Variants in PCDHGA4 observed in about 807,000 individuals in gnomAD.
The protein encoded by PCDHGA4 is protocadherin gamma-A4.
A neutral mutation model predicts 54.6 loss-of-function variants in PCDHGA4; 38 were observed. That is an observed-to-expected ratio of 0.70 (90% CI 0.54 to 0.91). The LOEUF is 0.91. Ranked by LOEUF, PCDHGA4 falls within the 40% of genes least tolerant of loss-of-function variation. PCDHGA4 has a pLI of 0.00. For synonymous variants in PCDHGA4, 511 were observed against 512.9 expected (o/e 1.00, Z 0.05); for missense variants, 1,298 against 1,220.9 (o/e 1.06, Z -0.94).
chr5:141,460,587 T>C (rs1461971599), intron 1 of PCDHGA4, among the ~76,000 whole-genome samples: 1 of 152,170 alleles, frequency 6.6e-6, no homozygotes, highest in Non-Finnish European at 1.5e-5. Flanking sequence ...TGTGGGTTTT[T>C]TCTGGGCTCT....
At chr5:141,417,890 G>GCCGGC (rs2096180101) in intron 1 of PCDHGA4, 1 of 1,568,496 alleles carries the variant, frequency 6.4e-7, no homozygotes, top group Non-Finnish European at 8.6e-7. Context: ...GAGGCGCCGG[G>GCCGGC]CCGGCCCGCG....
At position 141,420,340 on chromosome 5, in the gene PCDHGA4, G is replaced by A. The variant is rs1405507680; in HGVS notation, c.2514+62719G>A. ...ATATGCCAATATATTCCAATATAGT[G>A]GTATTATTTTAAGATTCTAGATAAC... On this transcript the variant is annotated intron_variant, in intron 1 of 3. Transcript: ENST00000571252. The A allele has an allele frequency of 2.9e-6, 4 of 1,387,388 alleles. No homozygotes were observed. In the African/African-American group the frequency reaches 4.4e-5, roughly 15 times the overall value. 85.9% of individuals were successfully genotyped at this position (1,387,388 alleles called of 1,614,324 possible). A position where few individuals can be genotyped will look rare whatever the true frequency, so the allele number is the denominator to read the frequency against.
chr5:141,399,198 G>T (rs1370289172), intron 1 of PCDHGA4: 1 of 1,613,816 alleles, frequency 6.2e-7, no homozygotes, highest in African/African-American at 1.3e-5. Context: ...AAAACGCGGT[G>T]CCTGGAACAC....
Position 141,435,556 on chromosome 5 carries a change from G to C in PCDHGA4, c.2515-59251G>C, listed in dbSNP as rs568743865. ...AGAATTAACAAAATGTGTTTTGAGT[G>C]CTTTTTTTAGTACTGGGGCAAATTT... is the stretch of plus-strand genomic sequence containing the variant. On this transcript the variant is annotated intron_variant, in intron 1 of 3. Transcript: ENST00000571252. Among the ~76,000 whole-genome samples, 7 of 152,242 alleles carry C rather than the reference G, an allele frequency of 4.6e-5. 1 individual carries two copies. Among genetic ancestry groups the C allele is most frequent in the African/African-American group, 1.4e-4 (6 of 41,544 alleles).
At position 141,487,510 on chromosome 5, in the gene PCDHGA4, C is replaced by A; in HGVS notation, c.2515-7297C>A. On this transcript the variant is annotated intron_variant, in intron 1 of 3. Transcript: ENST00000571252. The surrounding 1 kb of genome is among the most constrained non-coding windows in gnomAD (Gnocchi z 5.0). ...GCTGTACACCCTTGGCTTCTGCACC[C>A]ACTCGGAGTGATAGCTTCATGATGG... is the stretch of plus-strand genomic sequence containing the variant. The A allele has an allele frequency of 6.2e-7, 1 of 1,614,210 alleles. No homozygotes were observed. Among genetic ancestry groups the A allele is most frequent in the Non-Finnish European group, 8.5e-7 (1 of 1,180,042 alleles).
chr5:141,421,359 C>T, intron 1 of PCDHGA4: 1 of 1,614,012 alleles, frequency 6.2e-7, no homozygotes, highest in Non-Finnish European at 8.5e-7. Context: ...AAAAGGGCTC[C>T]TTCGTGGGCA....
intron 1 of PCDHGA4, chr5:141,423,769 CATAT>C (rs2096780943): frequency 8.2e-7 from 1 of 1,219,458 alleles, no homozygotes; most frequent in South Asian, 2.2e-5. Context: ...GGTGGGGCGG[CATAT>C]ATTTAGTTCA....
Position 141,477,782 on chromosome 5 carries a change from T to G in PCDHGA4, c.2515-17025T>G, listed in dbSNP as rs763675478. 1.2e-5 allele frequency: 20 copies of G among 1,613,902 alleles called. No individual in the cohort carries two copies. Among genetic ancestry groups the G allele is most frequent in the Non-Finnish European group, 1.7e-5 (20 of 1,180,042 alleles). ...AGCCACCAACATCAGCGTGAACATA[T>G]TTGTCACTGATCGCAATGACAATGC... On this transcript the variant is annotated intron_variant, in intron 1 of 3. Coordinates refer to ENST00000571252, the MANE Select transcript of PCDHGA4 (RefSeq NM_018917.4). The surrounding 1 kb of genome is among the most constrained non-coding windows in gnomAD (Gnocchi z 4.9).
At chr5:141,367,576 C>T (rs1435052087) in intron 1 of PCDHGA4, 1 of 138,304 alleles carries the variant, frequency 7.2e-6, no homozygotes, top group African/African-American at 2.7e-5. Context: ...AAATAAATAT[C>T]AGAAAAGTAG....
chr5:141,377,635 A>G (rs561038965), intron 1 of PCDHGA4: 1 of 151,932 alleles, frequency 6.6e-6, no homozygotes, highest in African/African-American at 2.4e-5. Flanking sequence ...GTTTTTTCTC[A>G]GTGTTACTTG....
At chr5:141,510,366 T>A (rs1452829030) in intron 3 of PCDHGA4, among the ~76,000 whole-genome samples, 1 of 140,062 alleles carries the variant, frequency 7.1e-6, no homozygotes, top group Non-Finnish European at 1.6e-5. Context: ...AACTACCGAA[T>A]CTCTACTCGT....
chr5:141,431,660 A>G lies in PCDHGA4; in HGVS notation c.2515-63147A>G. On this transcript the variant is annotated intron_variant, in intron 1 of 3. Transcript: ENST00000571252. This position sits in a 1 kb window ranked among gnomAD's most constrained non-coding sequence, Gnocchi z 4.8. ...CAAACTAGATTGTAATTCAGGGACA[A>G]TATCAACAATAGGGGAGTTGGACCA... 7 of 1,614,256 alleles carry G rather than the reference A, an allele frequency of 4.3e-6. No individual in the cohort carries two copies. The highest frequency in any genetic ancestry group is 5.1e-6 in the Non-Finnish European group (6 of 1,180,046).
intron 1 of PCDHGA4, among the ~76,000 whole-genome samples, chr5:141,380,802 T>C (rs1776746309): frequency 6.6e-6 from 1 of 152,118 alleles, no homozygotes; most frequent in African/African-American, 2.4e-5. Context: ...AAGAAACAAA[T>C]GTGAGATGAA....
chr5:141,431,673 G>A lies in PCDHGA4; in HGVS notation c.2515-63134G>A. On this transcript the variant is annotated intron_variant, in intron 1 of 3. Coordinates refer to ENST00000571252, the MANE Select transcript of PCDHGA4 (RefSeq NM_018917.4). The surrounding 1 kb of genome is among the most constrained non-coding windows in gnomAD (Gnocchi z 4.8). ...AATTCAGGGACAATATCAACAATAG[G>A]GGAGTTGGACCACGAGGAGTCAGGA... 1 of 1,614,214 alleles carries A rather than the reference G, an allele frequency of 6.2e-7. No homozygotes were observed. The highest frequency in any genetic ancestry group is 8.5e-7 in the Non-Finnish European group (1 of 1,180,044).
chr5:141,374,657 C>T, intron 1 of PCDHGA4: 1 of 1,612,018 alleles, frequency 6.2e-7, no homozygotes, highest in Non-Finnish European at 8.5e-7. Context: ...GCCCAAGTAC[C>T]CGGAGCTGGT....
chr5:141,485,358 G>T lies in PCDHGA4; in HGVS notation c.2515-9449G>T. 1.2e-6 allele frequency: 2 copies of T among 1,614,100 alleles called. No individual in the cohort carries two copies. Among genetic ancestry groups the T allele is most frequent in the Non-Finnish European group, 1.7e-6 (2 of 1,180,006 alleles). On this transcript the variant is annotated intron_variant, in intron 1 of 3. Coordinates refer to ENST00000571252, the MANE Select transcript of PCDHGA4 (RefSeq NM_018917.4). This position sits in a 1 kb window ranked among gnomAD's most constrained non-coding sequence, Gnocchi z 5.7. ...CTGGATACGGACAGTCTGTCAGCTC[G>T]CAGGCTGCAGGTCGCTGGAGAGGTG...
At chr5:141,398,963 ATTCCT>A in intron 1 of PCDHGA4, 1 of 1,613,976 alleles carries the variant, frequency 6.2e-7, no homozygotes, top group Non-Finnish European at 8.5e-7. Flanking sequence ...GAAATTACTT[ATTCCT>A]TCTACAGAAC....
At chr5:141,438,633 TATACAC>T (rs1275936248) in intron 1 of PCDHGA4, among the ~76,000 whole-genome samples, 1,035 of 33,718 alleles carry the variant, frequency 0.031, 6 homozygotes, top group African/African-American at 0.063. Context: ...TATATATATA[TATACAC>T]ACACACACAC....
At chr5:141,475,866 C>T in intron 1 of PCDHGA4, 1 of 504,862 alleles carries the variant, frequency 2.0e-6, no homozygotes, top group South Asian at 2.9e-5. Context: ...GCTCATTCTT[C>T]GTGCAGTTAT....
Sources: allele counts gnomAD v4.1 joint callset (sites outside exome capture counted in the v4.1 genomes callset), GRCh38; gene constraint gnomAD v4.1.1; non-coding constraint Gnocchi (gnomAD v3.1); transcripts MANE v1.5; gene names NCBI Gene and HGNC (gene_info 2026-07-23, HGNC 2026-07-21).